RBFOX1: variants seen among roughly 807,000 people sequenced by gnomAD.
RBFOX1 encodes the protein RNA binding fox-1 homolog 1.
RBFOX1 carries 8 observed loss-of-function variants against 57.7 expected under a neutral mutation model. The ratio of observed to expected loss-of-function variants is 0.14; its 90% CI spans 0.08 to 0.25. The LOEUF (loss-of-function observed/expected upper bound fraction) is 0.25, where lower values mean the gene tolerates loss of function less well. Among genes scored for constraint, RBFOX1 ranks in the 10% least tolerant of loss-of-function variants. The pLI is 1.00. For synonymous variants in RBFOX1, 326 were observed against 222.4 expected, an observed-to-expected ratio of 1.47 and a Z score of -4.15; for missense variants, 611 against 548.5, an observed-to-expected ratio of 1.11 and a Z score of -1.14.
At chr16:5,857,783 G>T (rs1448639744) in intron 3 of RBFOX1, among the ~76,000 whole-genome samples, 2 of 151,650 alleles carry the variant, frequency 1.3e-5, no homozygotes, top group Admixed American at 1.3e-4. Context: ...ACAAAGAAAA[G>T]AACTGCACAA....
At chr16:5,479,925 G>C (rs1441742647) in intron 2 of RBFOX1, among the ~76,000 whole-genome samples, 1 of 152,058 alleles carries the variant, frequency 6.6e-6, no homozygotes, top group Non-Finnish European at 1.5e-5. Context: ...CAGTGTCCAG[G>C]GTCCTTCCCT....
intron 4 of RBFOX1, among the ~76,000 whole-genome samples, chr16:7,450,392 CAAAAAAAA>C (rs57188328): frequency 2.9e-5 from 2 of 69,578 alleles, no homozygotes; most frequent in African/African-American, 1.2e-4. Context: ...GACTCTGTCT[CAAAAAAAA>C]AAAAAAAAAA....
At position 5,916,694 on chromosome 16, in the gene RBFOX1, T is replaced by C. The variant is rs149119054; in HGVS notation, c.351+49359T>C. On this transcript the variant is annotated intron_variant, in intron 4 of 19. Coordinates refer to the RBFOX1 transcript ENST00000641259. ...TTGTGGTAAGCCCCACAGGTGGTTG[T>C]CAGGTGAGAAAGCTGCCGGGTCAGC... Among the ~76,000 whole-genome samples, 10 of 152,244 alleles carry C rather than the reference T, an allele frequency of 6.6e-5. No individual in the cohort carries two copies. In the East Asian group the frequency reaches 1.8e-3, roughly 27 times the overall value.
rs1429589601 is a variant in RBFOX1 at position 6,249,182 on chromosome 16, C to G, written c.-126-67813C>G. Among the ~76,000 whole-genome samples the G allele has an allele frequency of 2.6e-5, 4 of 152,122 alleles. No individual in the cohort carries two copies. The East Asian group carries it at 7.7e-4, about 29-fold the overall frequency. On this transcript the variant is annotated intron_variant, in intron 1 of 15. Transcript: ENST00000550418. ...GTAGCATATGGGCAAAGATCAAATGCATGACCAGCTATGGGACCAACACAC... is the reference window on the plus strand; with the variant it reads ...GTAGCATATGGGCAAAGATCAAATGGATGACCAGCTATGGGACCAACACAC...
intron 3 of RBFOX1, among the ~76,000 whole-genome samples, chr16:6,725,467 G>A (rs1273574010): frequency 6.6e-6 from 1 of 152,100 alleles, no homozygotes; most frequent in Admixed American, 6.5e-5. Flanking sequence ...CGTGAATGCA[G>A]CCCAGTGGGT....
intron 2 of RBFOX1, among the ~76,000 whole-genome samples, chr16:6,375,010 T>A (rs995983409): frequency 3.3e-5 from 5 of 152,210 alleles, no homozygotes; most frequent in African/African-American, 9.6e-5. Flanking sequence ...TATTGCTGCA[T>A]TGAGTGCTTA....
chr16:7,548,318 G>A (rs959403556), intron 5 of RBFOX1, among the ~76,000 whole-genome samples: 11 of 152,020 alleles, frequency 7.2e-5, no homozygotes, highest in South Asian at 2.1e-4. Flanking sequence ...CACTATGTCC[G>A]GCTAATTTTT....
chr16:5,349,948 C>G (rs1403156236), intron 1 of RBFOX1, among the ~76,000 whole-genome samples: 1 of 152,194 alleles, frequency 6.6e-6, no homozygotes, highest in African/African-American at 2.4e-5. Flanking sequence ...CAAGGCATTT[C>G]TCACTCCTCT....
At chr16:5,358,526 A>T (rs1253741767) in intron 1 of RBFOX1, among the ~76,000 whole-genome samples, 1 of 152,194 alleles carries the variant, frequency 6.6e-6, no homozygotes, top group African/African-American at 2.4e-5. Flanking sequence ...AAATCCCCTC[A>T]AACATTTATC....
In RBFOX1 at chr16:5,956,678, A is replaced by ATATATATT. The variant is rs368096576; in HGVS notation, c.351+89344_351+89345insATATATTT. On this transcript the variant is annotated intron_variant, in intron 4 of 19. Transcript: ENST00000641259. ...TATATTTATATATATATATATATAT[A>ATATATATT]TTTTTTTTGAGGCACAGTCTCATCC... 3.4e-5 allele frequency among the ~76,000 whole-genome samples: 4 copies of ATATATATT among 116,482 alleles called. No homozygotes were observed. The Middle Eastern group carries it at 0.014, about 404-fold the overall frequency. The allele number at this position is 116,482 out of a possible 152,430, so 76.4% of individuals were successfully genotyped here.
chr16:5,355,062 GAA>G (rs1567377521), intron 1 of RBFOX1, among the ~76,000 whole-genome samples: 2 of 151,986 alleles, frequency 1.3e-5, no homozygotes, highest in Admixed American at 6.6e-5. Flanking sequence ...AGAAGAGAGA[GAA>G]AGAGAGAAAT....
intron 14 of RBFOX1, among the ~76,000 whole-genome samples, chr16:7,697,999 T>C (rs1405018342): frequency 2.0e-5 from 3 of 152,250 alleles, no homozygotes; most frequent in Admixed American, 6.5e-5. Flanking sequence ...AGGGAGCAGA[T>C]GTCAGGTCAG....
At chr16:6,780,390 A>C (rs1567216616) in intron 3 of RBFOX1, among the ~76,000 whole-genome samples, 1 of 89,122 alleles carries the variant, frequency 1.1e-5, no homozygotes, top group South Asian at 3.7e-4. Context: ...TATACATATT[A>C]TATATATTTT....
chr16:6,806,052 A>C (rs1320115521), intron 3 of RBFOX1, among the ~76,000 whole-genome samples: 1 of 152,234 alleles, frequency 6.6e-6, no homozygotes, highest in Admixed American at 6.5e-5. Context: ...CTCTATAAGA[A>C]GTCATCCAGC....
At chr16:6,159,973 C>A (rs976692771) in intron 1 of RBFOX1, among the ~76,000 whole-genome samples, 1 of 152,132 alleles carries the variant, frequency 6.6e-6, no homozygotes, top group African/African-American at 2.4e-5. Flanking sequence ...CCTAAGGGAA[C>A]CTGAGACTTA....
intron 3 of RBFOX1, among the ~76,000 whole-genome samples, chr16:5,703,156 G>A (rs1426647269): frequency 6.6e-6 from 1 of 152,178 alleles, no homozygotes; most frequent in Non-Finnish European, 1.5e-5. Context: ...TGGAGCAAAT[G>A]ATCCTGTATA....
chr16:7,048,382 C>G (rs565486098), intron 3 of RBFOX1, among the ~76,000 whole-genome samples: 1 of 152,154 alleles, frequency 6.6e-6, no homozygotes, highest in South Asian at 2.1e-4. Flanking sequence ...GCCTCAGCCT[C>G]CCTAGTAGCT....
At chr16:6,576,947 G>A (rs1423462952) in intron 2 of RBFOX1, 2 of 152,140 alleles carry the variant, frequency 1.3e-5, no homozygotes, top group Non-Finnish European at 2.9e-5. Context: ...CACCCATCTA[G>A]GGATACATTT....
At chr16:5,806,954 A>G (rs914351275) in intron 3 of RBFOX1, among the ~76,000 whole-genome samples, 4 of 152,130 alleles carry the variant, frequency 2.6e-5, no homozygotes, top group Non-Finnish European at 5.9e-5. Context: ...GATCTCCAGG[A>G]AGAGAAGGAA....
Sources: gnomAD v4.1 joint callset for allele counts (sites outside exome capture counted in the v4.1 genomes callset) on GRCh38, gnomAD v4.1.1 for gene constraint, MANE v1.5 for transcripts, NCBI Gene and HGNC (gene_info 2026-07-23, HGNC 2026-07-21) for gene names.